The following NR2C1 variants were observed in gnomAD, a reference collection of about 807,000 sequenced individuals.
The protein encoded by NR2C1 is TR2 nuclear hormone receptor.
A neutral mutation model predicts 74.8 loss-of-function variants in NR2C1; 33 were observed. That is an observed-to-expected ratio of 0.44 (90% CI 0.33 to 0.59). NR2C1 has a LOEUF of 0.59. Ranked by LOEUF, NR2C1 falls within the 20% of genes least tolerant of loss-of-function variation. The pLI is 0.02. For synonymous variants in NR2C1, 225 were observed against 240.6 expected (o/e 0.94, Z 0.60); for missense variants, 568 against 715.6 (o/e 0.79, Z 2.35).
rs546982285 is a variant in NR2C1 at position 95,061,766 on chromosome 12, G to A, written c.285+742C>T. ...AAAGTTTCTGAAGGCAAACTTCAGA[G>A]TACATTATATTTGTATTCAATCATA... is the stretch of plus-strand genomic sequence containing the variant. On this transcript the variant is annotated intron_variant, in intron 3 of 13. Coordinates refer to ENST00000333003, the MANE Select transcript of NR2C1 (RefSeq NM_003297.4). Among the ~76,000 whole-genome samples, 5 of 152,286 alleles carry A rather than the reference G, an allele frequency of 3.3e-5. No individual in the cohort carries two copies. The South Asian group carries it at 1.0e-3, about 32-fold the overall frequency.
At chr12:95,055,927 G>A (rs1011557092) in intron 7 of NR2C1, among the ~76,000 whole-genome samples, 18 of 146,102 alleles carry the variant, frequency 1.2e-4, no homozygotes, top group African/African-American at 2.8e-4. Flanking sequence ...CACTCCAGAC[G>A]GGGTAACAGA....
chr12:95,033,339 A>G (rs1870399136), intron 10 of NR2C1, among the ~76,000 whole-genome samples: 1 of 152,170 alleles, frequency 6.6e-6, no homozygotes, highest in Non-Finnish European at 1.5e-5. Flanking sequence ...AAGGATGTAT[A>G]TTAGAAAATG....
In NR2C1 at chr12:95,031,330, T is replaced by C. The variant is rs1312504999; in HGVS notation, c.1393+19A>G. 6.4e-7 allele frequency: 1 copy of C among 1,558,854 alleles called. No individual in the cohort carries two copies. Among genetic ancestry groups the C allele is most frequent in the African/African-American group, 1.4e-5 (1 of 72,032 alleles). On this transcript the variant is annotated intron_variant, in intron 11 of 13. Transcript: ENST00000333003. ...GCCTCCTCCTACAACCTGGAAAAGG[T>C]AAGGAAGGTGCTTTTTACCTTGTTG...
rs190133924 is a variant in NR2C1, at chr12:95,041,312, C to T, written c.1132-715G>A. On this transcript the variant is annotated intron_variant, in intron 9 of 13. Coordinates refer to ENST00000333003, the MANE Select transcript of NR2C1 (RefSeq NM_003297.4). ...ACCATCCCGGTCAACATGGTTAAAC[C>T]TCATCTTTACTAAAATACCAAAAAA... Among the ~76,000 whole-genome samples, 775 of 152,124 alleles carry T rather than the reference C, an allele frequency of 5.1e-3. 4 individuals are homozygous for T. Among genetic ancestry groups the T allele is most frequent in the Non-Finnish European group, 8.9e-3 (602 of 67,984 alleles).
chr12:95,044,839 G>A (rs1410782050), intron 9 of NR2C1, among the ~76,000 whole-genome samples: 1 of 152,154 alleles, frequency 6.6e-6, no homozygotes, highest in Non-Finnish European at 1.5e-5. Flanking sequence ...TCGCGATCAT[G>A]CCACTGCACT....
At chr12:95,042,219 CTTTTT>C (rs1212588554) in intron 9 of NR2C1, among the ~76,000 whole-genome samples, 1 of 125,880 alleles carries the variant, frequency 7.9e-6, no homozygotes, top group Non-Finnish European at 1.7e-5. Context: ...TCAAAGGTAT[CTTTTT>C]TTTTTTTTTT....
intron 2 of NR2C1, among the ~76,000 whole-genome samples, chr12:95,065,232 G>C (rs1419647281): frequency 2.0e-5 from 3 of 152,022 alleles, no homozygotes; most frequent in African/African-American, 7.3e-5. Context: ...GCCCAGGCTG[G>C]AGTGCAGTGG....
intron 12 of NR2C1, among the ~76,000 whole-genome samples, chr12:95,027,201 C>T (rs1253695489): frequency 6.6e-6 from 1 of 152,126 alleles, no homozygotes; most frequent in African/African-American, 2.4e-5. Context: ...ACTACAGGTG[C>T]ACACCAGCAC....
chr12:95,058,280 A>G, intron 5 of NR2C1, 30 bp downstream of exon 5: 1 of 1,558,358 alleles, frequency 6.4e-7, no homozygotes, highest in African/African-American at 1.4e-5. Context: ...ATCTTTAAAA[A>G]GTATTTTCTC....
At chr12:95,071,502 T>C (rs996048831) in intron 1 of NR2C1, among the ~76,000 whole-genome samples, 1 of 152,154 alleles carries the variant, frequency 6.6e-6, no homozygotes, top group African/African-American at 2.4e-5. Context: ...ATACATTGTG[T>C]GGCAGACACA....
intron 12 of NR2C1, 162 bp downstream of exon 12, chr12:95,028,225 C>T (rs1429524104): frequency 3.5e-6 from 2 of 572,248 alleles, no homozygotes; most frequent in East Asian, 6.1e-5. Context: ...AGTGAAGCTG[C>T]TGAGTCATAT....
chr12:95,030,728 A>G, intron 11 of NR2C1: 1 of 1,604,226 alleles, frequency 6.2e-7, no homozygotes, highest in Non-Finnish European at 8.5e-7. Flanking sequence ...CAATTTATAA[A>G]TTATTCCTGA....
At chr12:95,036,094 T>C (rs1384107700) in intron 10 of NR2C1, among the ~76,000 whole-genome samples, 1 of 152,180 alleles carries the variant, frequency 6.6e-6, no homozygotes, top group African/African-American at 2.4e-5. Flanking sequence ...GACTCCTCCA[T>C]TTAAGGTTAA....
At chr12:95,051,463 G>A (rs140573133) in intron 8 of NR2C1, among the ~76,000 whole-genome samples, 1 of 152,164 alleles carries the variant, frequency 6.6e-6, no homozygotes, top group Non-Finnish European at 1.5e-5. Context: ...CAAGACCTAT[G>A]TGTATTACTC....
At chr12:95,071,144 T>G (rs1272513526) in intron 1 of NR2C1, among the ~76,000 whole-genome samples, 2 of 148,562 alleles carry the variant, frequency 1.3e-5, no homozygotes, top group East Asian at 3.9e-4. Context: ...GAGGCTGCAG[T>G]GAGCCGAGAT....
At chr12:95,047,599 T>TA (rs1236259708) in intron 9 of NR2C1, among the ~76,000 whole-genome samples, 8 of 152,316 alleles carry the variant, frequency 5.3e-5, no homozygotes, top group South Asian at 4.1e-4. Flanking sequence ...CATATTCTCC[T>TA]AAAAAAATCC....
chr12:95,069,030 T>C (rs962771268), intron 1 of NR2C1, among the ~76,000 whole-genome samples: 8 of 152,038 alleles, frequency 5.3e-5, no homozygotes, highest in African/African-American at 1.9e-4. Flanking sequence ...ATGGATCCAA[T>C]AAGTACCTCC....
chr12:95,034,072 G>A (rs1565839659), intron 10 of NR2C1, among the ~76,000 whole-genome samples: 1 of 152,142 alleles, frequency 6.6e-6, no homozygotes, highest in African/African-American at 2.4e-5. Flanking sequence ...AGGATAATCA[G>A]TATGTTTAAC....
In NR2C1 at chr12:95,020,983, C is replaced by G. The variant is rs1345292533; in HGVS notation, c.*1246G>C. ...ATAATGTTTAAACTTGCCTTGAGAA[C>G]ATGTACTGGCTATGATAAATCCATT... is the stretch of plus-strand genomic sequence containing the variant. On this transcript the variant is annotated 3_prime_UTR_variant, in exon 14 of 14. Coordinates refer to ENST00000333003, the MANE Select transcript of NR2C1 (RefSeq NM_003297.4). 6.6e-6 allele frequency: 1 copy of G among 152,184 alleles called. No individual in the cohort carries two copies. The highest frequency in any genetic ancestry group is 2.1e-4 in the South Asian group (1 of 4,810). The allele number at this position is 152,184 out of a possible 1,614,324, so 9.4% of individuals were successfully genotyped here.
Sources: gnomAD v4.1 joint callset for allele counts (sites outside exome capture counted in the v4.1 genomes callset) on GRCh38, gnomAD v4.1.1 for gene constraint, MANE v1.5 for transcripts, NCBI Gene and HGNC (gene_info 2026-07-23, HGNC 2026-07-21) for gene names.